Variants in KAZN observed in about 807,000 individuals in gnomAD.
The protein encoded by KAZN is kazrin.
Under a neutral mutation model 87.4 loss-of-function variants are expected in KAZN, and 40 were observed. The observed-to-expected ratio is 0.46, with a 90% CI of 0.36 to 0.60. The LOEUF (loss-of-function observed/expected upper bound fraction) is 0.60, where lower values mean the gene tolerates loss of function less well. KAZN is among the 20% of genes least tolerant of loss of function. The pLI is 0.00. For synonymous variants in KAZN, 466 were observed against 458.3 expected (o/e 1.02, Z -0.22); for missense variants, 898 against 1,073.9 (o/e 0.84, Z 2.29).
chr1:14,569,137 G>T (rs942296809), intron 2 of KAZN, among the ~76,000 whole-genome samples: 4 of 151,090 alleles, frequency 2.6e-5, no homozygotes, highest in African/African-American at 2.4e-5. Context: ...GTTGTGTGAG[G>T]TTTTTTTTTC....
chr1:14,501,241 T>G (rs914934073), intron 2 of KAZN, among the ~76,000 whole-genome samples: 8 of 152,104 alleles, frequency 5.3e-5, no homozygotes, highest in Non-Finnish European at 2.9e-5. Flanking sequence ...TACTCCCATT[T>G]AACATTGTAC....
chr1:14,902,370 C>G (rs1454112826), intron 1 of KAZN, among the ~76,000 whole-genome samples: 1 of 152,006 alleles, frequency 6.6e-6, no homozygotes, highest in Non-Finnish European at 1.5e-5. Context: ...GGACTATAGG[C>G]ACCCGCCACC....
intron 1 of KAZN, among the ~76,000 whole-genome samples, chr1:14,952,064 A>C (rs1662552347): frequency 6.6e-6 from 1 of 152,076 alleles, no homozygotes; most frequent in African/African-American, 2.4e-5. Flanking sequence ...TCATGAGATG[A>C]GGGCTGTCAT....
chr1:14,508,749 C>T (rs1258994017), intron 2 of KAZN, among the ~76,000 whole-genome samples: 1 of 152,194 alleles, frequency 6.6e-6, no homozygotes, highest in Non-Finnish European at 1.5e-5. Context: ...CTCTTTGGAC[C>T]TCGCCCGTTC....
At chr1:13,948,426 C>G (rs1641225186) in intron 1 of KAZN, among the ~76,000 whole-genome samples, 1 of 152,206 alleles carries the variant, frequency 6.6e-6, no homozygotes, top group African/African-American at 2.4e-5. Flanking sequence ...TCCTGCCACC[C>G]TATGAAGAGA....
intron 2 of KAZN, among the ~76,000 whole-genome samples, chr1:14,396,735 G>T (rs1446961271): frequency 6.6e-6 from 1 of 152,150 alleles, no homozygotes; most frequent in African/African-American, 2.4e-5. Flanking sequence ...CTCTGGGCTG[G>T]TCATAAACAT....
rs140450380 is a variant in KAZN at position 14,148,790 on chromosome 1, T to C, written c.92-31645T>C. Among the ~76,000 whole-genome samples the C allele has an allele frequency of 7.3e-3, 1,115 of 152,278 alleles. 44 individuals carry two copies. Among genetic ancestry groups the C allele is most frequent in the Admixed American group, 0.067 (1,025 of 15,284 alleles). Reference sequence around the variant, plus strand: ...GGTGGCACCAACCATTATGCTTGACTCCCCCAAAATGCCAGGATTTCTACA... The same window carrying C: ...GGTGGCACCAACCATTATGCTTGACCCCCCCAAAATGCCAGGATTTCTACA... On this transcript the variant is annotated intron_variant, in intron 1 of 16. Coordinates refer to the KAZN transcript ENST00000636203.
intron 2 of KAZN, among the ~76,000 whole-genome samples, chr1:14,579,902 C>T (rs1425572506): frequency 2.0e-5 from 3 of 151,598 alleles, no homozygotes; most frequent in Admixed American, 6.6e-5. Flanking sequence ...TGAGGCTGCC[C>T]GCTGCCTTTC....
intron 2 of KAZN, among the ~76,000 whole-genome samples, chr1:14,497,126 A>C (rs1345538107): frequency 6.6e-6 from 1 of 152,192 alleles, no homozygotes. Flanking sequence ...CAAAAGAGGT[A>C]CAGAAAACCC....
At chr1:14,344,199 G>A (rs1448389696) in intron 2 of KAZN, among the ~76,000 whole-genome samples, 2 of 136,566 alleles carry the variant, frequency 1.5e-5, no homozygotes, top group Non-Finnish European at 1.5e-5. Flanking sequence ...TTTACTGAAG[G>A]AAACTAGCCT....
chr1:14,736,174 G>A (rs377128390), intron 1 of KAZN, among the ~76,000 whole-genome samples: 2 of 151,244 alleles, frequency 1.3e-5, no homozygotes, highest in Non-Finnish European at 3.0e-5. Flanking sequence ...CTTCCATGTG[G>A]CTAAAAATGG....
At chr1:14,124,616 G>A (rs534646789) in intron 1 of KAZN, among the ~76,000 whole-genome samples, 1 of 152,302 alleles carries the variant, frequency 6.6e-6, no homozygotes, top group Admixed American at 6.5e-5. Flanking sequence ...CTTATTTATT[G>A]CTTAAGCTCT....
intron 1 of KAZN, among the ~76,000 whole-genome samples, chr1:14,839,997 G>A (rs1329115478): frequency 6.6e-6 from 1 of 152,076 alleles, no homozygotes; most frequent in Non-Finnish European, 1.5e-5. Context: ...CCCTCTAGGA[G>A]CTCCAGCCAG....
At chr1:14,876,011 G>A (rs1652728744) in intron 1 of KAZN, among the ~76,000 whole-genome samples, 2 of 152,206 alleles carry the variant, frequency 1.3e-5, no homozygotes, top group Non-Finnish European at 2.9e-5. Context: ...AAGTGAGAGT[G>A]AGCCGCTCCT....
At chr1:14,441,393 A>G in intron 2 of KAZN, among the ~76,000 whole-genome samples, 1 of 152,174 alleles carries the variant, frequency 6.6e-6, no homozygotes, top group East Asian at 1.9e-4. Context: ...CAGCAGCAGC[A>G]GCACCTGGGA....
intron 1 of KAZN, among the ~76,000 whole-genome samples, chr1:14,088,703 C>T (rs1283987071): frequency 6.6e-6 from 1 of 151,864 alleles, no homozygotes; most frequent in African/African-American, 2.4e-5. Context: ...TATCTGTATA[C>T]TTGTTTTTAT....
chr1:14,067,202 C>T (rs756385827), intron 1 of KAZN, among the ~76,000 whole-genome samples: 3 of 152,136 alleles, frequency 2.0e-5, no homozygotes, highest in Non-Finnish European at 2.9e-5. Flanking sequence ...GGCTGTCTCC[C>T]CATAGCCTAG....
At chr1:15,082,544 T>G (rs1640055509) in intron 8 of KAZN, among the ~76,000 whole-genome samples, 1 of 152,370 alleles carries the variant, frequency 6.6e-6, no homozygotes, top group Non-Finnish European at 1.5e-5. Flanking sequence ...TTCCCATAGC[T>G]GCTGCCAAGG....
intron 2 of KAZN, among the ~76,000 whole-genome samples, chr1:14,527,556 A>AAAAAAAAAAC (rs1671949926): frequency 6.6e-6 from 1 of 151,774 alleles, no homozygotes; most frequent in Non-Finnish European, 1.5e-5. Flanking sequence ...CTCCAAAAAA[A>AAAAAAAAAAC]AAAAAAAAAC....
Sources: gnomAD v4.1 joint callset for allele counts (sites outside exome capture counted in the v4.1 genomes callset) on GRCh38, gnomAD v4.1.1 for gene constraint, MANE v1.5 for transcripts, NCBI Gene and HGNC (gene_info 2026-07-23, HGNC 2026-07-21) for gene names.